The following FUT8 variants were observed in gnomAD, a reference collection of about 807,000 sequenced individuals.
The protein encoded by FUT8 is alpha-(1,6)-fucosyltransferase.
Under a neutral mutation model 71.3 loss-of-function variants are expected in FUT8, and 29 were observed. That is an observed-to-expected ratio of 0.41 (90% CI 0.30 to 0.55). The LOEUF (loss-of-function observed/expected upper bound fraction) is 0.55, where lower values mean the gene tolerates loss of function less well. Ranked by LOEUF, FUT8 falls within the 20% of genes least tolerant of loss-of-function variation. The pLI, the probability that FUT8 is intolerant of heterozygous loss-of-function variation, is 0.34. For missense variants in FUT8, 544 were observed against 702.1 expected (o/e 0.77, Z 2.55); for synonymous variants, 254 against 239.3 (o/e 1.06, Z -0.57).
In FUT8 at chr14:65,701,298, C is replaced by G. The variant is rs148454269; in HGVS notation, c.836-20477C>G. On this transcript the variant is annotated intron_variant, in intron 7 of 10. Coordinates refer to ENST00000673929, the MANE Select transcript of FUT8 (RefSeq NM_001371533.1). ...TTAAAGGAGGAAATATATTTAAGGACGGAAGCAAAATGTGTGTGCTTTAAT... is the reference window on the plus strand; with the variant it reads ...TTAAAGGAGGAAATATATTTAAGGAGGGAAGCAAAATGTGTGTGCTTTAAT... 3.5e-3 allele frequency among the ~76,000 whole-genome samples: 529 copies of G among 152,132 alleles called. 2 individuals are homozygous for G. The highest frequency in any genetic ancestry group is 0.012 in the African/African-American group (502 of 41,498).
chr14:65,527,450 T>C (rs918153189), intron 2 of FUT8, among the ~76,000 whole-genome samples: 6 of 152,220 alleles, frequency 3.9e-5, no homozygotes, highest in African/African-American at 1.4e-4. Context: ...CTGGTTATTC[T>C]AGTTAATCCT....
At chr14:65,368,499 C>G in the FUT8 span, among the ~76,000 whole-genome samples, 5 of 133,190 alleles carry the variant, frequency 3.8e-5, no homozygotes, top group African/African-American at 1.3e-4. Flanking sequence ...TGCCACCACG[C>G]CTGGCTATTT....
At chr14:65,711,058 C>CA (rs937624883) in intron 7 of FUT8, among the ~76,000 whole-genome samples, 1 of 152,174 alleles carries the variant, frequency 6.6e-6, no homozygotes, top group African/African-American at 2.4e-5. Flanking sequence ...CCCTATAACC[C>CA]AAACACCTCC....
chr14:65,642,199 G>A (rs561461021), intron 6 of FUT8, among the ~76,000 whole-genome samples: 2 of 152,238 alleles, frequency 1.3e-5, no homozygotes, highest in South Asian at 2.1e-4. Flanking sequence ...GAGGAATCAC[G>A]TAAACTAAGA....
intron 2 of FUT8, among the ~76,000 whole-genome samples, chr14:65,516,910 TTC>T (rs1882746699): frequency 6.6e-6 from 1 of 151,066 alleles, no homozygotes; most frequent in Admixed American, 6.7e-5. Flanking sequence ...CTATTCTACT[TTC>T]TCTCTCTCTG....
intron 7 of FUT8, among the ~76,000 whole-genome samples, chr14:65,715,434 G>A (rs571474979): frequency 6.6e-6 from 1 of 152,242 alleles, no homozygotes; most frequent in East Asian, 1.9e-4. Context: ...ATCCCATTTG[G>A]TCAAGAATGA....
chr14:65,374,614 T>G, the FUT8 span, among the ~76,000 whole-genome samples: 2 of 151,882 alleles, frequency 1.3e-5, no homozygotes, highest in East Asian at 3.9e-4. Flanking sequence ...TTTTTTTTTT[T>G]GATGGAGTCT....
chr14:65,692,584 G>T (rs1269208930), intron 7 of FUT8, among the ~76,000 whole-genome samples: 1 of 150,334 alleles, frequency 6.7e-6, no homozygotes, highest in East Asian at 2.0e-4. Flanking sequence ...CCTCCCGGAC[G>T]GGGCGGCTGG....
chr14:65,729,198 T>A (rs1011557123), intron 9 of FUT8, among the ~76,000 whole-genome samples: 2 of 151,704 alleles, frequency 1.3e-5, no homozygotes, highest in Non-Finnish European at 2.9e-5. Flanking sequence ...GCTAATTTTT[T>A]ATGGTAGAGA....
Position 65,483,038 on chromosome 14 carries a change from T to A in FUT8, c.-228+27320T>A, listed in dbSNP as rs1424140618. ...AACCAGTGACCCGAGGCCAGCAACTTCTTTTACTTCCCCCTCAGTTGGATT... is the reference window on the plus strand; with the variant it reads ...AACCAGTGACCCGAGGCCAGCAACTACTTTTACTTCCCCCTCAGTTGGATT... On this transcript the variant is annotated intron_variant, in intron 2 of 10. Transcript: ENST00000673929. The surrounding 1 kb of genome is among the most constrained non-coding windows in gnomAD (Gnocchi z 4.4). Among the ~76,000 whole-genome samples the A allele has an allele frequency of 6.6e-6, 1 of 152,190 alleles. No homozygotes were observed. Among genetic ancestry groups the A allele is most frequent in the East Asian group, 1.9e-4 (1 of 5,200 alleles).
chr14:65,731,517 T>G (rs1895980974), intron 9 of FUT8, among the ~76,000 whole-genome samples: 1 of 152,174 alleles, frequency 6.6e-6, no homozygotes, highest in Non-Finnish European at 1.5e-5. Flanking sequence ...TTATGAAAGG[T>G]GTACAATTTC....
At chr14:65,656,197 T>G (rs1335000982) in intron 6 of FUT8, among the ~76,000 whole-genome samples, 1 of 152,084 alleles carries the variant, frequency 6.6e-6, no homozygotes. Flanking sequence ...TGGTTCAATA[T>G]TTGAAAAAAT....
intron 10 of FUT8, among the ~76,000 whole-genome samples, chr14:65,738,464 G>T (rs1422108332): frequency 6.6e-6 from 1 of 151,924 alleles, no homozygotes; most frequent in Non-Finnish European, 1.5e-5. Flanking sequence ...CCTTTGGCAG[G>T]ATTTTTGCTG....
the FUT8 span, among the ~76,000 whole-genome samples, chr14:65,395,966 A>G: frequency 6.6e-6 from 1 of 152,200 alleles, no homozygotes; most frequent in East Asian, 1.9e-4. Context: ...ATCTTCCTCA[A>G]GTTCAAAGTT....
chr14:65,617,058 C>CT, intron 5 of FUT8: 4 of 1,578,400 alleles, frequency 2.5e-6, no homozygotes, highest in Non-Finnish European at 3.4e-6. Flanking sequence ...GTCTTTAGGC[C>CT]TGTTATATTT....
At chr14:65,440,004 AGT>A in intron 1 of FUT8, among the ~76,000 whole-genome samples, 1 of 142,368 alleles carries the variant, frequency 7.0e-6, no homozygotes, top group Non-Finnish European at 1.5e-5. Context: ...ACACACACAC[AGT>A]GGAATACTGT....
chr14:65,429,051 A>C (rs1485290309), intron 1 of FUT8, among the ~76,000 whole-genome samples: 1 of 152,228 alleles, frequency 6.6e-6, no homozygotes, highest in Non-Finnish European at 1.5e-5. Flanking sequence ...AATAGTGTAC[A>C]TGTGTATATG....
chr14:65,554,743 C>T (rs1566819275), intron 2 of FUT8, among the ~76,000 whole-genome samples: 1 of 152,048 alleles, frequency 6.6e-6, no homozygotes, highest in African/African-American at 2.4e-5. Flanking sequence ...TTTGGAGCCT[C>T]GGTGCTGGAG....
At chr14:65,647,500 C>T (rs749282665) in intron 6 of FUT8, among the ~76,000 whole-genome samples, 42 of 152,072 alleles carry the variant, frequency 2.8e-4, no homozygotes, top group Non-Finnish European at 6.0e-4. Flanking sequence ...AAAACTTGAA[C>T]TTAATAGTGA....
Sources: gnomAD v4.1 joint callset for allele counts (sites outside exome capture counted in the v4.1 genomes callset) on GRCh38, gnomAD v4.1.1 for gene constraint, Gnocchi (gnomAD v3.1) non-coding constraint, MANE v1.5 for transcripts, NCBI Gene and HGNC (gene_info 2026-07-23, HGNC 2026-07-21) for gene names.